Variants in ASIC2 observed in about 807,000 individuals in gnomAD.
The protein encoded by ASIC2 is acid sensing ion channel subunit 2.
ASIC2 carries 25 observed loss-of-function variants against 57.3 expected under a neutral mutation model. The ratio of observed to expected loss-of-function variants is 0.44; its 90% CI spans 0.32 to 0.61. The LOEUF is 0.61. Among genes scored for constraint, ASIC2 ranks in the 20% least tolerant of loss-of-function variants. The probability of loss-of-function intolerance (pLI) is 0.06; values close to 1 mark genes in which losing one functional copy is unlikely to be tolerated. For synonymous variants in ASIC2, 319 were observed against 307.5 expected (o/e 1.04, Z -0.39); for missense variants, 641 against 738.1 (o/e 0.87, Z 1.52).
chr17:34,081,551 C>T (rs1404360274), intron 1 of ASIC2, among the ~76,000 whole-genome samples: 1 of 152,136 alleles, frequency 6.6e-6, no homozygotes, highest in Admixed American at 6.5e-5. Context: ...CATTGGATAG[C>T]GCTGAGAACA....
Position 33,598,532 on chromosome 17 carries a change from T to C in ASIC2, c.556-486465A>G, listed in dbSNP as rs115943868. Among the ~76,000 whole-genome samples the C allele has an allele frequency of 2.4e-3, 373 of 152,280 alleles. 2 individuals are homozygous for C. Among genetic ancestry groups the C allele is most frequent in the African/African-American group, 8.7e-3 (360 of 41,568 alleles). On this transcript the variant is annotated intron_variant, in intron 1 of 9. Coordinates refer to the ASIC2 transcript ENST00000359872. ...CAGGATGTGTTTCCTGGGTGAAGAC[T>C]GTATGTGAAAATGTCAGGGCTGGTA...
rs999690629 is a variant in ASIC2 at position 33,767,213 on chromosome 17, C to G, written c.555+388765G>C. 6.6e-5 allele frequency among the ~76,000 whole-genome samples: 10 copies of G among 152,232 alleles called. No homozygotes were observed. In the South Asian group the frequency reaches 2.1e-3, roughly 32 times the overall value. On this transcript the variant is annotated intron_variant, in intron 1 of 9. Coordinates refer to the ASIC2 transcript ENST00000359872. ...TTCCCAGTGGGAACCCACCTTGGAC[C>G]CCAGTGAACCTCAGTTTCTGCTGGT...
chr17:34,014,691 C>T (rs1906884765), intron 1 of ASIC2, among the ~76,000 whole-genome samples: 1 of 152,176 alleles, frequency 6.6e-6, no homozygotes. Context: ...GACCTTGAGG[C>T]CCACTTCTGA....
intron 1 of ASIC2, among the ~76,000 whole-genome samples, chr17:33,767,640 A>G (rs1312277254): frequency 6.6e-6 from 1 of 152,274 alleles, no homozygotes; most frequent in East Asian, 1.9e-4. Context: ...CTTAATTTAT[A>G]TCAGATAATG....
intron 1 of ASIC2, among the ~76,000 whole-genome samples, chr17:33,654,528 T>C (rs1907020453): frequency 6.6e-6 from 1 of 152,230 alleles, no homozygotes; most frequent in African/African-American, 2.4e-5. Context: ...GGAATTCCCA[T>C]GGTCTAGCAA....
chr17:33,265,780 A>G (rs1375900138), intron 1 of ASIC2, among the ~76,000 whole-genome samples: 1 of 152,130 alleles, frequency 6.6e-6, no homozygotes, highest in Non-Finnish European at 1.5e-5. Flanking sequence ...CCTTCTACCC[A>G]GGGTATTTTT....
chr17:33,268,051 T>C (rs1418143211), intron 1 of ASIC2, among the ~76,000 whole-genome samples: 2 of 152,178 alleles, frequency 1.3e-5, no homozygotes, highest in Non-Finnish European at 2.9e-5. Context: ...CAAAGGACTT[T>C]GACTTTTGAA....
chr17:33,896,555 T>C (rs1915103573), intron 1 of ASIC2, among the ~76,000 whole-genome samples: 2 of 152,256 alleles, frequency 1.3e-5, no homozygotes, highest in South Asian at 4.1e-4. Context: ...TCGCTTGGCC[T>C]GCAGGGGCTC....
chr17:33,787,808 G>A (rs1911652310), intron 1 of ASIC2, among the ~76,000 whole-genome samples: 1 of 152,210 alleles, frequency 6.6e-6, no homozygotes, highest in Non-Finnish European at 1.5e-5. Context: ...AATCCTCAGT[G>A]TTGGAGGTGG....
In ASIC2 at chr17:33,890,983, G is replaced by A. The variant is rs566056594; in HGVS notation, c.555+264995C>T. Among the ~76,000 whole-genome samples, 32 of 152,270 alleles carry A rather than the reference G, an allele frequency of 2.1e-4. 1 individual carries two copies. Among genetic ancestry groups the A allele is most frequent in the African/African-American group, 7.2e-4 (30 of 41,540 alleles). On this transcript the variant is annotated intron_variant, in intron 1 of 9. Transcript: ENST00000359872. ...CCAGAGCCAGGCATCTTCAGGTATA[G>A]CAAGTGCCTCGGGTGGTCTGAGACA...
At chr17:33,554,823 C>T (rs1386688874) in intron 1 of ASIC2, among the ~76,000 whole-genome samples, 1 of 152,110 alleles carries the variant, frequency 6.6e-6, no homozygotes, top group Non-Finnish European at 1.5e-5. Flanking sequence ...CATATCTTTC[C>T]TTACTGAGAA....
intron 1 of ASIC2, among the ~76,000 whole-genome samples, chr17:33,450,696 G>C (rs1744268963): frequency 6.6e-6 from 1 of 152,196 alleles, no homozygotes; most frequent in Non-Finnish European, 1.5e-5. Flanking sequence ...GTAATCAAGA[G>C]GGATGCACAG....
At chr17:33,724,601 G>T (rs1909488292) in intron 1 of ASIC2, among the ~76,000 whole-genome samples, 1 of 152,152 alleles carries the variant, frequency 6.6e-6, no homozygotes, top group Non-Finnish European at 1.5e-5. Flanking sequence ...GGAATGAGGA[G>T]CCTAAGGGAG....
chr17:34,013,214 T>G (rs1408975127), intron 1 of ASIC2, among the ~76,000 whole-genome samples: 1 of 152,126 alleles, frequency 6.6e-6, no homozygotes, highest in Non-Finnish European at 1.5e-5. Flanking sequence ...CAGAGGAGTC[T>G]CCATGTCAAC....
chr17:33,166,755 A>G (rs1482537952), intron 1 of ASIC2, among the ~76,000 whole-genome samples: 4 of 152,212 alleles, frequency 2.6e-5, no homozygotes, highest in Admixed American at 2.0e-4. Context: ...TCCCGCTCCC[A>G]CTGCACTGCA....
At chr17:33,175,350 T>C (rs1905707261) in intron 1 of ASIC2, among the ~76,000 whole-genome samples, 1 of 152,208 alleles carries the variant, frequency 6.6e-6, no homozygotes, top group South Asian at 2.1e-4. Flanking sequence ...AAGTAGCTGT[T>C]TCCAAAAAGC....
intron 1 of ASIC2, among the ~76,000 whole-genome samples, chr17:33,431,852 G>A (rs1426501769): frequency 6.6e-6 from 1 of 152,154 alleles, no homozygotes; most frequent in Non-Finnish European, 1.5e-5. Flanking sequence ...TATAGACAGT[G>A]AAAGTATACC....
rs1476456804 is a variant in ASIC2, at chr17:33,763,772, T to C, written c.555+392206A>G. The stretch of plus-strand genomic sequence containing the variant: ...GAGAAGATCCCAGGCCAACCTATGG[T>C]AGACATATGTAAAGTCACTGAGATT... On this transcript the variant is annotated intron_variant, in intron 1 of 9. Coordinates refer to the ASIC2 transcript ENST00000359872. Among the ~76,000 whole-genome samples, 3 of 152,318 alleles carry C rather than the reference T, an allele frequency of 2.0e-5. No homozygotes were observed. The East Asian group carries it at 5.8e-4, about 29-fold the overall frequency.
chr17:33,258,180 C>A (rs1909146832), intron 1 of ASIC2, among the ~76,000 whole-genome samples: 1 of 152,180 alleles, frequency 6.6e-6, no homozygotes, highest in Admixed American at 6.5e-5. Context: ...ATTCATTAAT[C>A]TACTCGTTCA....
Sources: gnomAD v4.1 joint callset for allele counts (sites outside exome capture counted in the v4.1 genomes callset) on GRCh38, gnomAD v4.1.1 for gene constraint, MANE v1.5 for transcripts, NCBI Gene and HGNC (gene_info 2026-07-23, HGNC 2026-07-21) for gene names.